CRACDL: variants seen among roughly 807,000 people sequenced by gnomAD.
The protein encoded by CRACDL is CRACD like.
In CRACDL, 26 loss-of-function variants were observed where a neutral mutation model predicts 70.6. The observed-to-expected ratio is 0.37, with a 90% CI of 0.27 to 0.51. CRACDL has a LOEUF of 0.51. CRACDL is among the 20% of genes least tolerant of loss of function. CRACDL has a pLI of 0.94. For synonymous variants in CRACDL, 618 were observed against 615.2 expected (o/e 1.00, Z -0.07); for missense variants, 1,283 against 1,376.9 (o/e 0.93, Z 1.08).
At chr2:98,846,706 C>A (rs761499441) in intron 2 of CRACDL, 25 bp downstream of exon 2, 1 of 1,606,406 alleles carries the variant, frequency 6.2e-7, no homozygotes, top group South Asian at 1.1e-5. Flanking sequence ...GTGCCCTCCC[C>A]AGAGCAGGGG....
At chr2:98,921,358 C>T (rs1708798297) in intron 1 of CRACDL, among the ~76,000 whole-genome samples, 2 of 152,238 alleles carry the variant, frequency 1.3e-5, no homozygotes, top group African/African-American at 4.8e-5. Context: ...CTCCATCTCC[C>T]TGGCCTTCCT....
intron 1 of CRACDL, among the ~76,000 whole-genome samples, chr2:98,863,005 ATAC>A (rs1412114550): frequency 6.6e-6 from 1 of 152,024 alleles, no homozygotes; most frequent in East Asian, 1.9e-4. Context: ...GTGTTTATAC[ATAC>A]ACACACATAT....
intron 1 of CRACDL, among the ~76,000 whole-genome samples, chr2:98,918,242 T>A (rs903396144): frequency 6.6e-6 from 1 of 152,124 alleles, no homozygotes. Context: ...CCACCAACAG[T>A]GTAGAAGTGG....
At chr2:98,803,406 G>A (rs950134717) in intron 7 of CRACDL, among the ~76,000 whole-genome samples, 1 of 152,172 alleles carries the variant, frequency 6.6e-6, no homozygotes, top group Non-Finnish European at 1.5e-5. Flanking sequence ...CCAAAGTGCT[G>A]GGATTATGGG....
chr2:98,880,081 G>A (rs780955289), intron 1 of CRACDL, among the ~76,000 whole-genome samples: 25 of 152,236 alleles, frequency 1.6e-4, no homozygotes, highest in Non-Finnish European at 2.4e-4. Flanking sequence ...CTTGGTAGGT[G>A]TTAAATAAAT....
chr2:98,881,682 A>G (rs1707655354), intron 1 of CRACDL, among the ~76,000 whole-genome samples: 1 of 152,208 alleles, frequency 6.6e-6, no homozygotes, highest in Non-Finnish European at 1.5e-5. Flanking sequence ...GCTCACCCAC[A>G]AGGACAAGGA....
chr2:98,902,522 CA>C (rs1322950801), intron 1 of CRACDL, among the ~76,000 whole-genome samples: 1 of 152,168 alleles, frequency 6.6e-6, no homozygotes, highest in Non-Finnish European at 1.5e-5. Flanking sequence ...GCAGTGGGCA[CA>C]GGCGTTCTGG....
chr2:98,935,090 A>G lies in CRACDL; in HGVS notation c.-11+848T>C, dbSNP rs1284740703. 2.6e-5 allele frequency among the ~76,000 whole-genome samples: 4 copies of G among 152,194 alleles called. No individual in the cohort carries two copies. In the East Asian group the frequency reaches 5.8e-4, roughly 22 times the overall value. ...GGGAAAATACCAGGGGTCTACACAG[A>G]TTCTAGTCTATGGTATATGCAAATG... is the stretch of plus-strand genomic sequence containing the variant. On this transcript the variant is annotated intron_variant, in intron 1 of 9. Coordinates refer to ENST00000397899, the MANE Select transcript of CRACDL (RefSeq NM_207362.3).
chr2:98,812,299 C>T lies in CRACDL; in HGVS notation c.2416+9558G>A, dbSNP rs375397367. Among the ~76,000 whole-genome samples, 33 of 152,108 alleles carry T rather than the reference C, an allele frequency of 2.2e-4. No individual in the cohort carries two copies. In the East Asian group the frequency reaches 2.5e-3, roughly 12 times the overall value. ...TGGTTTTTGGTGATTTTGAATAATG[C>T]TGTTGTAGACATGAACGTATGACTT... On this transcript the variant is annotated intron_variant, in intron 7 of 9. Coordinates refer to ENST00000397899, the MANE Select transcript of CRACDL (RefSeq NM_207362.3).
At chr2:98,842,264 A>T in intron 2 of CRACDL, among the ~76,000 whole-genome samples, 1 of 151,836 alleles carries the variant, frequency 6.6e-6, no homozygotes, top group Non-Finnish European at 1.5e-5. Flanking sequence ...TCTTGAGCTG[A>T]TGTAATCTGT....
chr2:98,875,777 T>C (rs1235506790), intron 1 of CRACDL, among the ~76,000 whole-genome samples: 3 of 152,250 alleles, frequency 2.0e-5, no homozygotes, highest in Non-Finnish European at 4.4e-5. Context: ...ACAGAGCTAG[T>C]ATCTGCATTT....
At chr2:98,849,900 C>T (rs1260737956) in intron 1 of CRACDL, among the ~76,000 whole-genome samples, 2 of 152,154 alleles carry the variant, frequency 1.3e-5, no homozygotes, top group Non-Finnish European at 2.9e-5. Flanking sequence ...CTACCAGTGC[C>T]AGGCCTCAGT....
At position 98,822,351 on chromosome 2, in the gene CRACDL, C is replaced by G. The variant is rs1705092463; in HGVS notation, c.1922G>C (p.Gly641Ala). The change falls in exon 7 of 10, where the codon GGG (glycine) becomes GCG (alanine). Residue 641 changes from glycine (G) to alanine (A), a missense_variant. Around this residue, in one of 2 missense-constraint regions of CRACDL, gnomAD observed 921 missense variants for 881.9 expected, o/e 1.04. Transcript: ENST00000397899. This position sits in a 1 kb window ranked among gnomAD's most constrained non-coding sequence, Gnocchi z 4.9. ...KLAERGPQDSGDRAASPAGPR... is the reference protein window; with the variant it reads ...KLAERGPQDSADRAASPAGPR... Reference sequence around the variant, plus strand: ...CCCGGCCGGGCTGGCCGCCCTGTCCCCCGAGTCCTGAGGGCCGCGCTCCGC... The same window carrying G: ...CCCGGCCGGGCTGGCCGCCCTGTCCGCCGAGTCCTGAGGGCCGCGCTCCGC... 2.0e-6 allele frequency: 3 copies of G among 1,466,462 alleles called. No homozygotes were observed. In the African/African-American group the frequency reaches 4.5e-5, roughly 22 times the overall value. The allele number at this position is 1,466,462 out of a possible 1,614,324, so 90.8% of individuals were successfully genotyped here.
At chr2:98,930,041 C>A (rs1037262651) in intron 1 of CRACDL, among the ~76,000 whole-genome samples, 2 of 152,084 alleles carry the variant, frequency 1.3e-5, no homozygotes, top group Admixed American at 6.5e-5. Context: ...CCACTGGTGA[C>A]CCAATGCTGG....
rs1705080852 is a variant in CRACDL, at chr2:98,822,251, G to C, written c.2022C>G (p.Ala674=). The change falls in exon 7 of 10, where the codon GCC becomes GCG. Residue 674 remains alanine (A), a synonymous_variant. Transcript: ENST00000397899. The surrounding 1 kb of genome is among the most constrained non-coding windows in gnomAD (Gnocchi z 4.9). ...GGAAGGGGTTTCTGTCCTCACTCGG[G>C]GCCGGCTCCTGGGCGGCTGGGCAGG... The part of the protein sequence containing the change: ...REPCPAAQEP[A]PSEDRNPFPV... 6.3e-7 allele frequency: 1 copy of C among 1,597,908 alleles called. No individual in the cohort carries two copies. Among genetic ancestry groups the C allele is most frequent in the Non-Finnish European group, 8.5e-7 (1 of 1,177,478 alleles).
intron 1 of CRACDL, among the ~76,000 whole-genome samples, chr2:98,891,259 T>C (rs1478595976): frequency 6.6e-6 from 1 of 150,730 alleles, no homozygotes; most frequent in African/African-American, 2.4e-5. Flanking sequence ...CACCTGTAAT[T>C]CCAGCTACTC....
chr2:98,921,004 T>C (rs1708788780), intron 1 of CRACDL, among the ~76,000 whole-genome samples: 3 of 152,230 alleles, frequency 2.0e-5, no homozygotes, highest in Non-Finnish European at 2.9e-5. Context: ...GAAGCATTTA[T>C]GCTTCTGCAG....
intron 1 of CRACDL, among the ~76,000 whole-genome samples, chr2:98,896,672 C>A (rs1253262021): frequency 6.6e-6 from 1 of 152,108 alleles, no homozygotes; most frequent in Non-Finnish European, 1.5e-5. Flanking sequence ...CAACACCCTG[C>A]GTCTGGAGGG....
intron 1 of CRACDL, among the ~76,000 whole-genome samples, chr2:98,864,863 A>G (rs1381336959): frequency 6.6e-6 from 1 of 152,224 alleles, no homozygotes; most frequent in Non-Finnish European, 1.5e-5. Flanking sequence ...TACATTTTAA[A>G]CAGGTGAACT....
Sources: gnomAD v4.1 joint callset for allele counts (sites outside exome capture counted in the v4.1 genomes callset) on GRCh38, gnomAD v4.1.1 for gene constraint, gnomAD v4.1.1 regional missense constraint, Gnocchi (gnomAD v3.1) non-coding constraint, MANE v1.5 for transcripts, NCBI Gene and HGNC (gene_info 2026-07-23, HGNC 2026-07-21) for gene names.